ROR2: variants seen among roughly 807,000 people sequenced by gnomAD.
ROR2 encodes ROR family WNT receptor 2, also known as tyrosine-protein kinase transmembrane receptor ROR2.
A neutral mutation model predicts 74.9 loss-of-function variants in ROR2; 33 were observed. The observed-to-expected ratio is 0.44, with a 90% CI of 0.33 to 0.59. The LOEUF (loss-of-function observed/expected upper bound fraction) is 0.59, where lower values mean the gene tolerates loss of function less well. Ranked by LOEUF, ROR2 falls within the 20% of genes least tolerant of loss-of-function variation. ROR2 has a pLI of 0.02. For synonymous variants in ROR2, 586 were observed against 558.7 expected (o/e 1.05, Z -0.69); for missense variants, 1,216 against 1,313.8 (o/e 0.93, Z 1.15).
chr9:91,809,888 C>G (rs1338192090), intron 1 of ROR2, among the ~76,000 whole-genome samples: 1 of 152,250 alleles, frequency 6.6e-6, no homozygotes, highest in African/African-American at 2.4e-5. Flanking sequence ...CTTGACTCAG[C>G]AACAGTGTCC....
intron 2 of ROR2, among the ~76,000 whole-genome samples, chr9:91,758,204 G>A (rs779480963): frequency 6.6e-6 from 1 of 152,222 alleles, no homozygotes; most frequent in Admixed American, 6.5e-5. Context: ...GCGTGTGTCT[G>A]TGAAAGGCCA....
At chr9:91,745,426 ATTTTTTTT>A (rs72432798) in intron 4 of ROR2, among the ~76,000 whole-genome samples, 4 of 99,760 alleles carry the variant, frequency 4.0e-5, no homozygotes, top group Admixed American at 1.3e-4. Context: ...TGCCCAGCCT[ATTTTTTTT>A]TTTTTTTTTT....
chr9:91,835,923 GACA>G (rs1331462429), intron 1 of ROR2, among the ~76,000 whole-genome samples: 1 of 152,194 alleles, frequency 6.6e-6, no homozygotes, highest in African/African-American at 2.4e-5. Context: ...TGGGCGCTAG[GACA>G]ACGCTTTTGT....
At chr9:91,730,550 TC>T (rs1404949315) in intron 7 of ROR2, among the ~76,000 whole-genome samples, 3 of 152,194 alleles carry the variant, frequency 2.0e-5, no homozygotes, top group African/African-American at 7.2e-5. Flanking sequence ...AACCTCCGCT[TC>T]CCAGGCTCAA....
chr9:91,734,792 G>A (rs1413989524), intron 5 of ROR2, among the ~76,000 whole-genome samples: 1 of 152,210 alleles, frequency 6.6e-6, no homozygotes, highest in Non-Finnish European at 1.5e-5. Flanking sequence ...GTAAAAGGCG[G>A]CGTCAGTGGG....
intron 5 of ROR2, among the ~76,000 whole-genome samples, chr9:91,736,312 A>G (rs1006642756): frequency 1.3e-5 from 2 of 151,792 alleles, no homozygotes; most frequent in African/African-American, 4.8e-5. Flanking sequence ...GTGATGTTCG[A>G]CTCTCTAGTC....
intron 1 of ROR2, among the ~76,000 whole-genome samples, chr9:91,856,223 G>T (rs531392107): frequency 1.3e-5 from 2 of 152,282 alleles, no homozygotes; most frequent in Admixed American, 6.5e-5. Context: ...AGGCATGGTG[G>T]TGTGTGCCTG....
chr9:91,811,409 G>A (rs918785792), intron 1 of ROR2, among the ~76,000 whole-genome samples: 1 of 152,246 alleles, frequency 6.6e-6, no homozygotes, highest in Non-Finnish European at 1.5e-5. Context: ...CAGTGAGGGG[G>A]AGGGTCTCTC....
intron 1 of ROR2, among the ~76,000 whole-genome samples, chr9:91,813,653 G>A (rs568967807): frequency 1.3e-5 from 2 of 152,298 alleles, no homozygotes; most frequent in South Asian, 4.1e-4. Context: ...CTTGAACCCA[G>A]AGCAGCTTCT....
chr9:91,738,200 T>C (rs568563504), intron 4 of ROR2, among the ~76,000 whole-genome samples: 2 of 152,306 alleles, frequency 1.3e-5, no homozygotes, highest in African/African-American at 4.8e-5. Flanking sequence ...GCAATAAATG[T>C]CTCACATGAA....
At chr9:91,832,000 G>A (rs1402592308) in intron 1 of ROR2, among the ~76,000 whole-genome samples, 1 of 152,072 alleles carries the variant, frequency 6.6e-6, no homozygotes, top group Non-Finnish European at 1.5e-5. Flanking sequence ...CTTCAGGCTG[G>A]GCCACACATG....
At chr9:91,884,843 C>T in intron 1 of ROR2, among the ~76,000 whole-genome samples, 2 of 151,932 alleles carry the variant, frequency 1.3e-5, no homozygotes, top group East Asian at 3.9e-4. Flanking sequence ...GAACTGAGTC[C>T]AAAAACGCTT....
intron 1 of ROR2, among the ~76,000 whole-genome samples, chr9:91,844,573 C>T (rs1828870312): frequency 6.6e-6 from 1 of 152,288 alleles, no homozygotes; most frequent in African/African-American, 2.4e-5. Context: ...ATCCACTGTA[C>T]GATATTCTTA....
chr9:91,738,819 T>C (rs1161346407), intron 4 of ROR2, among the ~76,000 whole-genome samples: 1 of 152,220 alleles, frequency 6.6e-6, no homozygotes, highest in Non-Finnish European at 1.5e-5. Context: ...TTCTCCCTCC[T>C]GCTCCTCCCG....
rs118073537 is a variant in ROR2, at chr9:91,789,003, G to C, written c.98-13185C>G. 1.1e-3 allele frequency among the ~76,000 whole-genome samples: 163 copies of C among 152,288 alleles called. 1 individual carries two copies. In the East Asian group the frequency reaches 0.018, roughly 17 times the overall value. Reference sequence around the variant, plus strand: ...GGGGAAGGAGAAGAAAGGATTGGGGGAGGTCGGTCAATGGGTTCAAAGTTA... The same window carrying C: ...GGGGAAGGAGAAGAAAGGATTGGGGCAGGTCGGTCAATGGGTTCAAAGTTA... On this transcript the variant is annotated intron_variant, in intron 1 of 8. Coordinates refer to ENST00000375708, the MANE Select transcript of ROR2 (RefSeq NM_004560.4).
intron 1 of ROR2, among the ~76,000 whole-genome samples, chr9:91,790,820 C>T (rs746995538): frequency 3.3e-5 from 5 of 152,028 alleles, no homozygotes; most frequent in Non-Finnish European, 5.9e-5. Context: ...TTGTGTTGGC[C>T]TAGGCTAATG....
chr9:91,757,694 C>A (rs1825804389), intron 2 of ROR2, 135 bp from the exon 3 acceptor site: 4 of 891,192 alleles, frequency 4.5e-6, no homozygotes, highest in Non-Finnish European at 7.0e-6. Flanking sequence ...TTGTTATCTG[C>A]GGTAATTATC....
intron 1 of ROR2, among the ~76,000 whole-genome samples, chr9:91,823,129 T>C (rs898673373): frequency 6.6e-6 from 1 of 152,172 alleles, no homozygotes; most frequent in Non-Finnish European, 1.5e-5. Context: ...AGAGAAGCTA[T>C]TAAACACATT....
chr9:91,867,373 G>T (rs952639177), intron 1 of ROR2, among the ~76,000 whole-genome samples: 4 of 152,194 alleles, frequency 2.6e-5, no homozygotes, highest in African/African-American at 9.7e-5. Flanking sequence ...TTAAAACCCT[G>T]AGAGATAACT....
Sources: gnomAD v4.1 joint callset for allele counts (sites outside exome capture counted in the v4.1 genomes callset) on GRCh38, gnomAD v4.1.1 for gene constraint, MANE v1.5 for transcripts, NCBI Gene and HGNC (gene_info 2026-07-23, HGNC 2026-07-21) for gene names.